EPHA6: variants seen among roughly 807,000 people sequenced by gnomAD.
EPHA6 encodes EPH receptor A6.
In EPHA6, 50 loss-of-function variants were observed where a neutral mutation model predicts 112.0. The ratio of observed to expected loss-of-function variants is 0.45; its 90% CI spans 0.36 to 0.56. The LOEUF is 0.56. Ranked by LOEUF, EPHA6 falls within the 20% of genes least tolerant of loss-of-function variation. The probability of loss-of-function intolerance (pLI) is 0.00; values close to 1 mark genes in which losing one functional copy is unlikely to be tolerated. For missense variants in EPHA6, 1,280 were observed against 1,417.4 expected, an observed-to-expected ratio of 0.90 and a Z score of 1.56; for synonymous variants, 529 against 490.7, an observed-to-expected ratio of 1.08 and a Z score of -1.03.
intron 2 of EPHA6, among the ~76,000 whole-genome samples, chr3:96,903,255 C>G (rs2038719175): frequency 1.3e-5 from 2 of 152,082 alleles, no homozygotes; most frequent in African/African-American, 4.8e-5. Flanking sequence ...ACATGGAAGC[C>G]AGCATGGCTG....
intron 5 of EPHA6, among the ~76,000 whole-genome samples, chr3:97,281,965 C>A (rs1369468828): frequency 2.0e-5 from 3 of 152,042 alleles, no homozygotes; most frequent in Admixed American, 6.6e-5. Context: ...TAATGTGGCA[C>A]ACATAATAAG....
intron 2 of EPHA6, among the ~76,000 whole-genome samples, chr3:96,936,045 A>T (rs1282057115): frequency 2.0e-5 from 3 of 152,024 alleles, no homozygotes; most frequent in Non-Finnish European, 4.4e-5. Context: ...AAGGGGGGAA[A>T]ATTCAAGAAG....
chr3:96,978,729 C>T (rs1324191345), intron 2 of EPHA6, among the ~76,000 whole-genome samples: 1 of 151,970 alleles, frequency 6.6e-6, no homozygotes, highest in East Asian at 1.9e-4. Context: ...GTTATGTATC[C>T]TTATGCACTG....
intron 2 of EPHA6, among the ~76,000 whole-genome samples, chr3:96,939,578 G>A (rs1031262178): frequency 1.3e-5 from 2 of 151,984 alleles, no homozygotes; most frequent in African/African-American, 4.8e-5. Context: ...TTAACTTTTT[G>A]AAGGGTTTTT....
At chr3:96,889,346 C>G (rs2037820214) in intron 2 of EPHA6, among the ~76,000 whole-genome samples, 1 of 152,112 alleles carries the variant, frequency 6.6e-6, no homozygotes, top group South Asian at 2.1e-4. Flanking sequence ...TGTATTAGTG[C>G]ATTTTCCGAC....
chr3:97,086,185 T>G (rs1246415709), intron 3 of EPHA6, among the ~76,000 whole-genome samples: 1 of 151,528 alleles, frequency 6.6e-6, no homozygotes, highest in Non-Finnish European at 1.5e-5. Flanking sequence ...TCAATATAAA[T>G]TAATATTAGT....
chr3:97,279,759 A>G (rs1461469015), intron 5 of EPHA6, among the ~76,000 whole-genome samples: 3 of 152,214 alleles, frequency 2.0e-5, no homozygotes, highest in Non-Finnish European at 4.4e-5. Context: ...AATTTTCTTT[A>G]GAAAAAAGGT....
intron 5 of EPHA6, among the ~76,000 whole-genome samples, chr3:97,263,397 T>G (rs1006915554): frequency 6.6e-6 from 1 of 151,418 alleles, no homozygotes; most frequent in Non-Finnish European, 1.5e-5. Context: ...CTTTAAATTT[T>G]CATGAATTTT....
intron 11 of EPHA6, among the ~76,000 whole-genome samples, chr3:97,554,943 A>G (rs1275444654): frequency 6.6e-6 from 1 of 150,642 alleles, no homozygotes; most frequent in African/African-American, 2.4e-5. Context: ...TTTAATTATT[A>G]TTATACCTTA....
At chr3:97,490,272 A>C (rs568864532) in intron 10 of EPHA6, among the ~76,000 whole-genome samples, 1 of 152,200 alleles carries the variant, frequency 6.6e-6, no homozygotes, top group African/African-American at 2.4e-5. Context: ...AGAAAAATTC[A>C]TAGAGGACAT....
intron 14 of EPHA6, among the ~76,000 whole-genome samples, chr3:97,707,214 C>T (rs918998794): frequency 6.6e-5 from 10 of 152,072 alleles, no homozygotes; most frequent in Non-Finnish European, 1.0e-4. Flanking sequence ...CTAATTCATC[C>T]CAAGTCATCC....
rs555105183 is a variant in EPHA6, at chr3:97,064,120, T to C, written c.1114+76127T>C. 2.4e-4 allele frequency among the ~76,000 whole-genome samples: 37 copies of C among 152,278 alleles called. 1 individual carries two copies. In the South Asian group the frequency reaches 7.3e-3, roughly 30 times the overall value. ...AAATAGATATCTACTTGCTAAATTT[T>C]TGCATACACTCAGACTGCACAGCTA... is the stretch of plus-strand genomic sequence containing the variant. On this transcript the variant is annotated intron_variant, in intron 3 of 17. Coordinates refer to ENST00000389672, the MANE Select transcript of EPHA6 (RefSeq NM_001080448.3).
intron 1 of EPHA6, among the ~76,000 whole-genome samples, chr3:96,828,309 G>A (rs1159153379): frequency 6.6e-6 from 1 of 152,070 alleles, no homozygotes; most frequent in Non-Finnish European, 1.5e-5. Flanking sequence ...CTTCAGAGGA[G>A]ATAACGTGGA....
At chr3:97,486,849 A>T (rs893788282) in intron 10 of EPHA6, among the ~76,000 whole-genome samples, 4 of 152,208 alleles carry the variant, frequency 2.6e-5, no homozygotes, top group African/African-American at 9.6e-5. Flanking sequence ...TTGAAGAAGA[A>T]CCAGTCGTGT....
intron 13 of EPHA6, among the ~76,000 whole-genome samples, chr3:97,611,915 C>G (rs977889979): frequency 4.6e-5 from 7 of 151,870 alleles, no homozygotes; most frequent in African/African-American, 1.4e-4. Context: ...TCCAACTGCT[C>G]TGAATGCTAG....
intron 3 of EPHA6, among the ~76,000 whole-genome samples, chr3:97,162,547 C>G (rs945050408): frequency 2.0e-5 from 3 of 152,124 alleles, no homozygotes; most frequent in Non-Finnish European, 4.4e-5. Flanking sequence ...GAATTAGTAT[C>G]AATTCAAAGC....
intron 3 of EPHA6, among the ~76,000 whole-genome samples, chr3:97,102,494 A>G (rs1188599744): frequency 6.6e-6 from 1 of 152,106 alleles, no homozygotes; most frequent in Non-Finnish European, 1.5e-5. Context: ...AATTTAATGA[A>G]GAGCTGTTAA....
chr3:96,836,072 A>G (rs540951140), intron 1 of EPHA6, among the ~76,000 whole-genome samples: 48 of 152,268 alleles, frequency 3.2e-4, no homozygotes, highest in Admixed American at 7.9e-4. Flanking sequence ...ATACTTGGCT[A>G]CTACATGAGG....
At chr3:97,146,485 A>G (rs1324973809) in intron 3 of EPHA6, among the ~76,000 whole-genome samples, 1 of 151,698 alleles carries the variant, frequency 6.6e-6, no homozygotes, top group African/African-American at 2.4e-5. Context: ...GGGCATCTCT[A>G]CATTATTTCC....
Sources: gnomAD v4.1 joint callset for allele counts (sites outside exome capture counted in the v4.1 genomes callset) on GRCh38, gnomAD v4.1.1 for gene constraint, MANE v1.5 for transcripts, NCBI Gene and HGNC (gene_info 2026-07-23, HGNC 2026-07-21) for gene names.